SEMA3E: variants seen among roughly 807,000 people sequenced by gnomAD.
SEMA3E encodes the protein semaphorin 3E.
In SEMA3E, 49 loss-of-function variants were observed where a neutral mutation model predicts 93.6. That is an observed-to-expected ratio of 0.52 (90% CI 0.42 to 0.66). SEMA3E has a LOEUF of 0.66. Among genes scored for constraint, SEMA3E ranks in the 30% least tolerant of loss-of-function variants. The pLI, the probability that SEMA3E is intolerant of heterozygous loss-of-function variation, is 0.00. For synonymous variants in SEMA3E, 363 were observed against 330.7 expected (o/e 1.10, Z -1.06); for missense variants, 906 against 964.8 (o/e 0.94, Z 0.81).
chr7:83,417,006 CACACACACAGGG>C (rs1472240647), intron 5 of SEMA3E, among the ~76,000 whole-genome samples: 1 of 66,398 alleles, frequency 1.5e-5, no homozygotes, highest in Non-Finnish European at 4.5e-5. Flanking sequence ...CACACACACA[CACACACACAGGG>C]AGAGAGAGAG....
At position 83,421,747 on chromosome 7, in the gene SEMA3E, T is replaced by C. The variant is rs1315131420; in HGVS notation, c.457-3264A>G. Among the ~76,000 whole-genome samples the C allele has an allele frequency of 2.1e-5, 3 of 142,286 alleles. No homozygotes were observed. In the East Asian group the frequency reaches 5.8e-4, roughly 27 times the overall value. The allele number at this position is 142,286 out of a possible 152,430, so 93.3% of individuals were successfully genotyped here. A position where few individuals can be genotyped will look rare whatever the true frequency, so the allele number is the denominator to read the frequency against. On this transcript the variant is annotated intron_variant, in intron 4 of 16. Coordinates refer to ENST00000643230, the MANE Select transcript of SEMA3E (RefSeq NM_012431.3). ...ATTATCTGTTCTGTCTTTGTCTTGC[T>C]ATTCTTATTTAGCACCCTTTTCTCT...
chr7:83,512,505 T>C (rs1365398242), intron 1 of SEMA3E, among the ~76,000 whole-genome samples: 4 of 152,112 alleles, frequency 2.6e-5, no homozygotes, highest in Admixed American at 2.0e-4. Context: ...GGGCATTACA[T>C]TCAAAAAAGA....
intron 1 of SEMA3E, among the ~76,000 whole-genome samples, chr7:83,510,200 C>T (rs1253771151): frequency 6.6e-6 from 1 of 152,090 alleles, no homozygotes; most frequent in Non-Finnish European, 1.5e-5. Flanking sequence ...AAATCCACTC[C>T]ATTTTTAATT....
chr7:83,561,876 C>T (rs907684261), intron 1 of SEMA3E, among the ~76,000 whole-genome samples: 2 of 152,026 alleles, frequency 1.3e-5, no homozygotes, highest in Non-Finnish European at 2.9e-5. Context: ...TGAAAGTATA[C>T]TACATAATAT....
intron 4 of SEMA3E, among the ~76,000 whole-genome samples, chr7:83,431,406 G>T (rs527598405): frequency 1.3e-5 from 2 of 151,652 alleles, no homozygotes; most frequent in Admixed American, 1.3e-4. Flanking sequence ...ACACTAACGG[G>T]TAAGTTAAAA....
intron 1 of SEMA3E, among the ~76,000 whole-genome samples, chr7:83,546,698 CA>C (rs1791657737): frequency 6.6e-6 from 1 of 151,938 alleles, no homozygotes; most frequent in Middle Eastern, 3.2e-3. Flanking sequence ...TGAGTCTAGA[CA>C]AAAGATTTCA....
rs1794106762 is a variant in SEMA3E, at chr7:83,648,353, T to C, written c.115+75A>G. ...GAAGACCATAAGCCTATGTTAATGT[T>C]AAACGACTTTTTTTTTCTTTTTTCT... On this transcript the variant is annotated intron_variant, in intron 1 of 16. Coordinates refer to ENST00000643230, the MANE Select transcript of SEMA3E (RefSeq NM_012431.3). The C allele has an allele frequency of 3.4e-6, 4 of 1,179,120 alleles. No individual in the cohort carries two copies. In the Admixed American group the frequency reaches 8.0e-5, roughly 24 times the overall value. 73.0% of individuals were successfully genotyped at this position (1,179,120 alleles called of 1,614,324 possible). A position where few individuals can be genotyped will look rare whatever the true frequency, so the allele number is the denominator to read the frequency against.
intron 10 of SEMA3E, among the ~76,000 whole-genome samples, chr7:83,401,041 T>A (rs889371057): frequency 1.1e-4 from 17 of 152,140 alleles, no homozygotes; most frequent in Admixed American, 3.3e-4. Flanking sequence ...TAATTATCAA[T>A]GGCAAAAAGA....
chr7:83,516,571 A>G (rs1240487450), intron 1 of SEMA3E, among the ~76,000 whole-genome samples: 4 of 152,176 alleles, frequency 2.6e-5, no homozygotes, highest in Non-Finnish European at 5.9e-5. Context: ...GAGGGATTCT[A>G]TTTGGTTAAG....
intron 1 of SEMA3E, among the ~76,000 whole-genome samples, chr7:83,611,731 T>C (rs548755106): frequency 3.3e-5 from 5 of 152,074 alleles, no homozygotes; most frequent in Non-Finnish European, 5.9e-5. Flanking sequence ...GCAACCATCA[T>C]GTCCTACATA....
At chr7:83,467,006 T>A (rs1488465716) in intron 3 of SEMA3E, among the ~76,000 whole-genome samples, 5 of 151,224 alleles carry the variant, frequency 3.3e-5, no homozygotes, top group Non-Finnish European at 7.4e-5. Context: ...CATAAAGTCA[T>A]TAAAACCAAA....
chr7:83,633,239 T>A (rs931795077), intron 1 of SEMA3E, among the ~76,000 whole-genome samples: 14 of 152,124 alleles, frequency 9.2e-5, no homozygotes, highest in Non-Finnish European at 1.6e-4. Flanking sequence ...TCTGACTTTC[T>A]AACAAACACC....
At position 83,622,443 on chromosome 7, in the gene SEMA3E, C is replaced by T. The variant is rs564227970; in HGVS notation, c.115+25985G>A. On this transcript the variant is annotated intron_variant, in intron 1 of 16. Transcript: ENST00000643230. ...GTGGCACTTCCTCAAAGATTTAGAA[C>T]CAGAAATACCATTTGGCCCAGCAAT... Among the ~76,000 whole-genome samples the T allele has an allele frequency of 4.6e-5, 7 of 152,220 alleles. 1 individual carries two copies. The South Asian group carries it at 1.5e-3, about 32-fold the overall frequency.
intron 1 of SEMA3E, among the ~76,000 whole-genome samples, chr7:83,642,667 T>A (rs545008146): frequency 2.0e-5 from 3 of 151,990 alleles, no homozygotes; most frequent in South Asian, 2.1e-4. Flanking sequence ...TGAAAAAAAA[T>A]ATCAAAATAA....
intron 1 of SEMA3E, among the ~76,000 whole-genome samples, chr7:83,585,164 C>A (rs974660140): frequency 1.3e-5 from 2 of 152,308 alleles, no homozygotes; most frequent in East Asian, 3.9e-4. Flanking sequence ...TGTGCTTCTA[C>A]CTCTGCAACA....
intron 1 of SEMA3E, among the ~76,000 whole-genome samples, chr7:83,642,173 C>CA (rs1177448524): frequency 6.6e-6 from 1 of 152,076 alleles, no homozygotes; most frequent in African/African-American, 2.4e-5. Context: ...GTTTAGGTAC[C>CA]AAGGATGGTA....
chr7:83,430,697 G>A (rs373656135), intron 4 of SEMA3E, among the ~76,000 whole-genome samples: 1 of 152,058 alleles, frequency 6.6e-6, no homozygotes, highest in African/African-American at 2.4e-5. Context: ...GGAGATGGGA[G>A]GGAGAGCATT....
intron 1 of SEMA3E, among the ~76,000 whole-genome samples, chr7:83,631,490 A>C (rs1423276940): frequency 6.6e-6 from 1 of 152,244 alleles, no homozygotes; most frequent in Non-Finnish European, 1.5e-5. Context: ...GAATTTCGAC[A>C]ATGAATGCAA....
At chr7:83,475,623 T>C (rs1214734124) in intron 2 of SEMA3E, among the ~76,000 whole-genome samples, 5 of 147,288 alleles carry the variant, frequency 3.4e-5, no homozygotes, top group Admixed American at 2.7e-4. Context: ...AGGACACTGA[T>C]GGAAACAAGA....
Sources: allele counts gnomAD v4.1 joint callset (sites outside exome capture counted in the v4.1 genomes callset), GRCh38; gene constraint gnomAD v4.1.1; transcripts MANE v1.5; gene names NCBI Gene and HGNC (gene_info 2026-07-23, HGNC 2026-07-21).